The following WAC variants were observed in gnomAD, a reference collection of about 807,000 sequenced individuals.
WAC encodes the protein WW domain containing adaptor with coiled-coil.
A neutral mutation model predicts 79.6 loss-of-function variants in WAC; 11 were observed. The observed-to-expected ratio is 0.14, with a 90% confidence interval of 0.09 to 0.23. The LOEUF is 0.23. Ranked by LOEUF, WAC falls within the 10% of genes least tolerant of loss-of-function variation. WAC has a pLI of 1.00. For synonymous variants in WAC, 304 were observed against 276.9 expected, an observed-to-expected ratio of 1.10 and a Z score of -0.97; for missense variants, 728 against 773.5, an observed-to-expected ratio of 0.94 and a Z score of 0.70.
intron 3 of WAC, 96 bp from the exon 4 acceptor site, chr10:28,583,303 G>C: frequency 1.2e-6 from 1 of 855,136 alleles, no homozygotes; most frequent in Non-Finnish European, 1.8e-6. Flanking sequence ...TGTTCGTTTA[G>C]AGATATAAAA....
chr10:28,564,016 C>T (rs981033480), intron 3 of WAC, among the ~76,000 whole-genome samples: 1 of 152,014 alleles, frequency 6.6e-6, no homozygotes, highest in Admixed American at 6.6e-5. Flanking sequence ...GTGGCTCATG[C>T]CTGTAACCCC....
intron 3 of WAC, among the ~76,000 whole-genome samples, chr10:28,544,090 C>A (rs992364681): frequency 5.9e-5 from 9 of 152,186 alleles, no homozygotes; most frequent in Non-Finnish European, 1.3e-4. Context: ...GTCATGTTGG[C>A]CAGGCTGGTC....
intron 9 of WAC, chr10:28,611,223 T>TA (rs1841224645): frequency 7.8e-7 from 1 of 1,275,684 alleles, no homozygotes; most frequent in Non-Finnish European, 1.0e-6. Flanking sequence ...GACTGGATAA[T>TA]ATGGAAATGC....
At chr10:28,595,606 A>AT (rs1370505479) in intron 6 of WAC, 127 bp from the exon 7 acceptor site, 10 of 941,186 alleles carry the variant, frequency 1.1e-5, no homozygotes, top group Admixed American at 2.9e-5. Context: ...TTGCAGTTTT[A>AT]TAAAAGAATA....
intron 8 of WAC, among the ~76,000 whole-genome samples, chr10:28,608,817 G>C (rs1486343989): frequency 6.6e-6 from 1 of 152,050 alleles, no homozygotes; most frequent in Non-Finnish European, 1.5e-5. Flanking sequence ...TAATTACTCA[G>C]AATATTTAAA....
intron 3 of WAC, among the ~76,000 whole-genome samples, chr10:28,551,784 TTGTGTGTG>T (rs71769370): frequency 3.3e-3 from 417 of 124,802 alleles, no homozygotes; most frequent in African/African-American, 5.8e-3. Flanking sequence ...TCCTGTCTAC[TTGTGTGTG>T]TGTGTGTGTG....
chr10:28,608,525 C>A, intron 8 of WAC, 94 bp downstream of exon 8: 1 of 1,321,278 alleles, frequency 7.6e-7, no homozygotes, highest in South Asian at 1.6e-5. Context: ...TCTTTGTTTT[C>A]TTTTGAAATT....
chr10:28,612,808 A>T (rs934099154), intron 10 of WAC, among the ~76,000 whole-genome samples: 1 of 152,166 alleles, frequency 6.6e-6, no homozygotes, highest in South Asian at 2.1e-4. Flanking sequence ...GCAGTTCCTT[A>T]TCATTTGCCA....
intron 7 of WAC, among the ~76,000 whole-genome samples, chr10:28,607,918 A>AT (rs529697161): frequency 1.8e-3 from 280 of 152,322 alleles, no homozygotes; most frequent in Non-Finnish European, 3.1e-3. Context: ...TTCAAATCAG[A>AT]TATGGGTATG....
At chr10:28,568,199 T>C (rs1429195978) in intron 3 of WAC, among the ~76,000 whole-genome samples, 2 of 152,226 alleles carry the variant, frequency 1.3e-5, no homozygotes, top group African/African-American at 4.8e-5. Context: ...TCAAACTGTC[T>C]TCTTTTTGAA....
chr10:28,608,881 A>C (rs2132812607), intron 8 of WAC, among the ~76,000 whole-genome samples: 1 of 152,342 alleles, frequency 6.6e-6, no homozygotes, highest in East Asian at 1.9e-4. Flanking sequence ...AAATACTTTC[A>C]AAAAATTCTG....
At chr10:28,609,887 A>G (rs1475289637) in intron 8 of WAC, among the ~76,000 whole-genome samples, 1 of 152,102 alleles carries the variant, frequency 6.6e-6, no homozygotes, top group African/African-American at 2.4e-5. Context: ...TCAATAATAA[A>G]ATATCTTACA....
Position 28,590,843 on chromosome 10 carries a change from AT to A in WAC, c.610+19del, listed in dbSNP as rs762821612. The stretch of plus-strand genomic sequence containing the variant: ...GGTTTGCCAGTGGAAGTAAGTATTA[AT>A]TTTTTTTCTTTGAAATGTATGTTTG... On this transcript the variant is annotated intron_variant, in intron 6 of 13. Transcript: ENST00000354911. 2.7e-5 allele frequency: 43 copies of A among 1,593,398 alleles called. No homozygotes were observed. The highest frequency in any genetic ancestry group is 4.5e-5 in the East Asian group (2 of 44,448).
At chr10:28,590,629 C>T (rs1840036150) in intron 5 of WAC, 91 bp from the exon 6 acceptor site, 2 of 1,025,510 alleles carry the variant, frequency 2.0e-6, no homozygotes, top group East Asian at 5.4e-5. Flanking sequence ...TTCTGTATAC[C>T]ATTTGTTAGG....
At position 28,608,222 on chromosome 10, in the gene WAC, G is replaced by A; in HGVS notation, c.956G>A (p.Cys319Tyr). 6.2e-7 allele frequency: 1 copy of A among 1,614,028 alleles called. No homozygotes were observed. Among genetic ancestry groups the A allele is most frequent in the Non-Finnish European group, 8.5e-7 (1 of 1,180,004 alleles). ...TSGDKPVSHS[C>Y]TTPSTSSASG... ...GGAGACAAACCCGTATCACATTCTT[G>A]CACAACTCCTTCCACGTCTTCTGCC... The change falls in exon 8 of 14, where the codon TGC (cysteine) becomes TAC (tyrosine). Residue 319 changes from cysteine to tyrosine, a missense_variant. Transcript: ENST00000354911.
At chr10:28,618,130 C>CAATA (rs780051571) in intron 13 of WAC, 26 of 168,276 alleles carry the variant, frequency 1.5e-4, no homozygotes, top group Non-Finnish European at 3.1e-4. Context: ...CTTGCATCAT[C>CAATA]AATAGATCCC....
chr10:28,590,643 T>A, intron 5 of WAC, 77 bp from the exon 6 acceptor site: 1 of 1,199,550 alleles, frequency 8.3e-7, no homozygotes, highest in South Asian at 1.5e-5. Flanking sequence ...TGTTAGGCAT[T>A]TGGCCAGAGC....
intron 11 of WAC, 138 bp from the exon 12 acceptor site, chr10:28,616,035 T>C (rs1325709097): frequency 7.5e-6 from 5 of 665,264 alleles, no homozygotes; most frequent in East Asian, 2.9e-5. Flanking sequence ...ATTCTCTTTA[T>C]TTGACATTAA....
At position 28,621,781 on chromosome 10, in the gene WAC, T is replaced by C. The variant is rs1321197342; in HGVS notation, c.*2175T>C. The C allele has an allele frequency of 6.6e-6, 1 of 152,226 alleles. No homozygotes were observed. The highest frequency in any genetic ancestry group is 2.4e-5 in the African/African-American group (1 of 41,454). 9.4% of individuals were successfully genotyped at this position (152,226 alleles called of 1,614,324 possible). A position where few individuals can be genotyped will look rare whatever the true frequency, so the allele number is the denominator to read the frequency against. Reference sequence around the variant, plus strand: ...GATTTGCTTATAGTCTACTGGTCTGTGTACCTATGTTTTGTTTTTCAAAAA... The same window carrying C: ...GATTTGCTTATAGTCTACTGGTCTGCGTACCTATGTTTTGTTTTTCAAAAA... On this transcript the variant is annotated 3_prime_UTR_variant, in exon 14 of 14. Transcript: ENST00000354911.
Sources: gnomAD v4.1 joint callset for allele counts (sites outside exome capture counted in the v4.1 genomes callset) on GRCh38, gnomAD v4.1.1 for gene constraint, MANE v1.5 for transcripts, NCBI Gene and HGNC (gene_info 2026-07-23, HGNC 2026-07-21) for gene names.